The following OTOP3 variants were observed in gnomAD, a reference collection of about 807,000 sequenced individuals.
OTOP3 encodes proton channel OTOP3.
A neutral mutation model predicts 50.8 loss-of-function variants in OTOP3; 41 were observed. That is an observed-to-expected ratio of 0.81 (90% confidence interval 0.63 to 1.05). OTOP3 has a LOEUF of 1.05. Ranked by LOEUF, OTOP3 falls within the 50% of genes least tolerant of loss-of-function variation. OTOP3 has a pLI of 0.00. For missense variants in OTOP3, 788 were observed against 760.8 expected (o/e 1.04, Z -0.42); for synonymous variants, 320 against 324.4 (o/e 0.99, Z 0.14).
chr17:74,936,347 C>T (rs1273160627), intron 1 of OTOP3, among the ~76,000 whole-genome samples: 1 of 152,204 alleles, frequency 6.6e-6, no homozygotes, highest in African/African-American at 2.4e-5. Context: ...GGCGCCCGCA[C>T]TCAGCAGCCT....
In OTOP3 at chr17:74,935,947, C is replaced by T; in HGVS notation, c.19+7C>T. On this transcript the variant is annotated splice_region_variant and intron_variant, in intron 1 of 6. Transcript: ENST00000328801. The stretch of plus-strand genomic sequence containing the variant: ...ATGCCTCTCCCGGCCTCAGGTAAGC[C>T]CGGAGCGCCGGCGGAACTTTCCCAG... The T allele has an allele frequency of 1.3e-6, 2 of 1,542,534 alleles. No homozygotes were observed. The highest frequency in any genetic ancestry group is 1.7e-6 in the Non-Finnish European group (2 of 1,146,700).
At chr17:74,938,000 A>G (rs1437624813) in intron 1 of OTOP3, among the ~76,000 whole-genome samples, 1 of 152,150 alleles carries the variant, frequency 6.6e-6, no homozygotes, top group African/African-American at 2.4e-5. Flanking sequence ...GGAGAAACGC[A>G]GAACTTTCTA....
intron 6 of OTOP3, 100 bp from the exon 7 acceptor site, chr17:74,949,146 G>A: frequency 8.3e-7 from 1 of 1,199,408 alleles, no homozygotes; most frequent in Non-Finnish European, 1.2e-6. Flanking sequence ...AGGTGGGGGT[G>A]GCACTGGAGG....
chr17:74,945,307 T>C (rs373015128), intron 5 of OTOP3, among the ~76,000 whole-genome samples: 5 of 152,176 alleles, frequency 3.3e-5, no homozygotes, highest in African/African-American at 1.2e-4. Context: ...ACCACAATGC[T>C]ATTACAATTG....
chr17:74,937,288 C>T (rs769913292), intron 1 of OTOP3, among the ~76,000 whole-genome samples: 1 of 152,134 alleles, frequency 6.6e-6, no homozygotes, highest in Non-Finnish European at 1.5e-5. Context: ...CTTTATTGAG[C>T]ATCTACTATG....
At chr17:74,948,002 G>A (rs2144790521) in intron 6 of OTOP3, among the ~76,000 whole-genome samples, 1 of 152,316 alleles carries the variant, frequency 6.6e-6, no homozygotes, top group South Asian at 2.1e-4. Context: ...GCAGGGCTGG[G>A]ACAACTCAGG....
rs1374697911 is a variant in OTOP3 at position 74,949,535 on chromosome 17, C to T, written c.*119C>T. 1 of 1,182,686 alleles carries T rather than the reference C, an allele frequency of 8.5e-7. No homozygotes were observed. Among genetic ancestry groups the T allele is most frequent in the Non-Finnish European group, 1.2e-6 (1 of 856,048 alleles). The allele number at this position is 1,182,686 out of a possible 1,614,324, so 73.3% of individuals were successfully genotyped here. A position where few individuals can be genotyped will look rare whatever the true frequency, so the allele number is the denominator to read the frequency against. ...ACCAGCCTGAGGCTCTCAAGGCCTC[C>T]TGCTCCCCAGAGCCTCACTGAAGGG... is the stretch of plus-strand genomic sequence containing the variant. On this transcript the variant is annotated 3_prime_UTR_variant, in exon 7 of 7. Transcript: ENST00000328801.
At chr17:74,939,725 C>A (rs1305705076) in intron 1 of OTOP3, among the ~76,000 whole-genome samples, 1 of 151,950 alleles carries the variant, frequency 6.6e-6, no homozygotes, top group Non-Finnish European at 1.5e-5. Context: ...GCCAGGCACT[C>A]GTGGGACTTC....
At chr17:74,941,832 G>A (rs371451209) in intron 2 of OTOP3, 23 bp downstream of exon 2, 14 of 1,595,750 alleles carry the variant, frequency 8.8e-6, no homozygotes, top group African/African-American at 1.3e-5. Flanking sequence ...TTGCTGGGGG[G>A]CTGGGCAGGG....
At position 74,946,788 on chromosome 17, in the gene OTOP3, G is replaced by A. The variant is rs758881773; in HGVS notation, c.879G>A (p.Met293Ile). 6 of 1,612,452 alleles carry A rather than the reference G, an allele frequency of 3.7e-6. No homozygotes were observed. The South Asian group carries it at 6.6e-5, about 18-fold the overall frequency. The change falls in exon 6 of 7, where the codon ATG becomes ATA. Residue 293 changes from methionine to isoleucine, a missense_variant. Physicochemically the swap from Met to Ile is conservative, Grantham distance 10. Transcript: ENST00000328801. ...TCTGCTGTGCTGTGCTGTTTGTCATGTGGAAGAACGTGGGCCGCCACGTGG... is the reference window on the plus strand; with the variant it reads ...TCTGCTGTGCTGTGCTGTTTGTCATATGGAAGAACGTGGGCCGCCACGTGG... ...CLICCAVLFV[M>I]WKNVGRHVAP...
Position 74,940,752 on chromosome 17 carries a change from C to T in OTOP3, c.20-641C>T, listed in dbSNP as rs375073165. Among the ~76,000 whole-genome samples, 7 of 152,268 alleles carry T rather than the reference C, an allele frequency of 4.6e-5. No individual in the cohort carries two copies. In the South Asian group the frequency reaches 6.2e-4, roughly 14 times the overall value. ...CCATCCATGGAAAAATTGTCTTCCACGAAACTGCTCCCTGGTGCCAAAAAA... is the reference window on the plus strand; with the variant it reads ...CCATCCATGGAAAAATTGTCTTCCATGAAACTGCTCCCTGGTGCCAAAAAA... On this transcript the variant is annotated intron_variant, in intron 1 of 6. Transcript: ENST00000328801.
rs1218587346 is a variant in OTOP3 at position 74,947,064 on chromosome 17, G to A, written c.1155G>A (p.Glu385=). The change falls in exon 6 of 7, where the codon GAG becomes GAA. Residue 385 remains glutamate, a synonymous_variant. Coordinates refer to ENST00000328801, the MANE Select transcript of OTOP3 (RefSeq NM_001272005.2). ...CCATACACGGGCTGGAGGAGAGAGA[G>A]CTGGACACGGTCAAGAACCCTACCC... ...GTAIHGLEER[E]LDTVKNPTRS... is the part of the protein sequence containing the mutation. 6.2e-7 allele frequency: 1 copy of A among 1,614,090 alleles called. No homozygotes were observed. Among genetic ancestry groups the A allele is most frequent in the South Asian group, 1.1e-5 (1 of 91,092 alleles).
At position 74,947,384 on chromosome 17, in the gene OTOP3, C is replaced by T. The variant is rs374340940; in HGVS notation, c.1475C>T (p.Ser492Leu). The T allele has an allele frequency of 1.2e-6, 2 of 1,613,022 alleles. No homozygotes were observed. Among genetic ancestry groups the T allele is most frequent in the African/African-American group, 2.7e-5 (2 of 74,948 alleles). The change falls in exon 6 of 7, where the codon TCA (serine) becomes TTA (leucine). Residue 492 changes from serine to leucine, a missense_variant. By Grantham distance (145) the Ser-to-Leu change is moderately radical (BLOSUM62 -2). Transcript: ENST00000328801. The stretch of plus-strand genomic sequence containing the variant: ...CTGGGCCAGGGCCTGCAGCGGGCCT[C>T]ACTGGCCTACATCCACTCCTACAGC... ...LELGQGLQRASLAYIHSYSHL... is the reference protein window; with the variant it reads ...LELGQGLQRALLAYIHSYSHL...
At chr17:74,949,060 G>A (rs1197467574) in intron 6 of OTOP3, among the ~76,000 whole-genome samples, 186 bp from the exon 7 acceptor site, 1 of 152,142 alleles carries the variant, frequency 6.6e-6, no homozygotes, top group Non-Finnish European at 1.5e-5. Context: ...AAGGCCTTCT[G>A]CAGTAGGGCG....
intron 1 of OTOP3, among the ~76,000 whole-genome samples, chr17:74,940,180 T>G (rs1410821276): frequency 6.7e-6 from 1 of 149,604 alleles, no homozygotes; most frequent in East Asian, 1.9e-4. Context: ...TTGTTTTTTT[T>G]TTTTTTTGAA....
rs1467358515 is a variant in OTOP3 at position 74,946,697 on chromosome 17, C to A, written c.788C>A (p.Thr263Asn). ...ETNTCLCLNA[T>N]ACEAFRRGFL... is the part of the protein sequence containing the mutation. ...AACACCTGTCTGTGCCTCAATGCCA[C>A]CGCGTGTGAAGCTTTCCGGAGAGGC... is the stretch of plus-strand genomic sequence containing the variant. Residue 263 changes from threonine to asparagine, a missense_variant, in exon 6 of 7, where the codon ACC (threonine) becomes AAC (asparagine). By Grantham distance (65) the Thr-to-Asn change is moderately conservative (BLOSUM62 0). Transcript: ENST00000328801. 6.2e-7 allele frequency: 1 copy of A among 1,612,524 alleles called. No individual in the cohort carries two copies. Among genetic ancestry groups the A allele is most frequent in the East Asian group, 2.2e-5 (1 of 44,870 alleles).
At position 74,941,653 on chromosome 17, in the gene OTOP3, A is replaced by G. The variant is rs200875534; in HGVS notation, c.280A>G (p.Asn94Asp). 1 of 1,614,082 alleles carries G rather than the reference A, an allele frequency of 6.2e-7. No individual in the cohort carries two copies. Among genetic ancestry groups the G allele is most frequent in the Non-Finnish European group, 8.5e-7 (1 of 1,179,996 alleles). ...CGCCTTCATCTGCAGCATGATCTTCAACAAGGTGGCCGTCACTCTGGGTGA... is the reference window on the plus strand; with the variant it reads ...CGCCTTCATCTGCAGCATGATCTTCGACAAGGTGGCCGTCACTCTGGGTGA... Reference protein sequence around the residue: ...GGAFICSMIFNKVAVTLGDVW... With the variant: ...GGAFICSMIFDKVAVTLGDVW... The change falls in exon 2 of 7, where the codon AAC becomes GAC. Residue 94 changes from asparagine to aspartate, a missense_variant. Asn to Asp is a conservative substitution (Grantham distance 23). Coordinates refer to ENST00000328801, the MANE Select transcript of OTOP3 (RefSeq NM_001272005.2).
intron 1 of OTOP3, among the ~76,000 whole-genome samples, chr17:74,937,868 A>G (rs973768434): frequency 3.9e-5 from 6 of 152,188 alleles, no homozygotes; most frequent in African/African-American, 7.2e-5. Flanking sequence ...CCAGCAAAGT[A>G]GCACCAGAAG....
chr17:74,943,625 C>G lies in OTOP3; in HGVS notation c.652C>G (p.Leu218Val). ...NFTRCGLMLT[L>V]ATNLLLWVLA... ...CCCCAGGTGTGGCCTGATGCTGACC[C>G]TGGCCACAAACCTGCTGCTGTGGGT... The change falls in exon 5 of 7, where the codon CTG becomes GTG. Residue 218 changes from leucine to valine, a missense_variant. Coordinates refer to ENST00000328801, the MANE Select transcript of OTOP3 (RefSeq NM_001272005.2). 1 of 1,613,906 alleles carries G rather than the reference C, an allele frequency of 6.2e-7. No homozygotes were observed. Among genetic ancestry groups the G allele is most frequent in the East Asian group, 2.2e-5 (1 of 44,878 alleles).
Sources: allele counts gnomAD v4.1 joint callset (sites outside exome capture counted in the v4.1 genomes callset), GRCh38; gene constraint gnomAD v4.1.1; transcripts MANE v1.5; gene names NCBI Gene and HGNC (gene_info 2026-07-23, HGNC 2026-07-21).